Variants in MRC1 observed in about 807,000 individuals in gnomAD.
The protein encoded by MRC1 is macrophage mannose receptor 1.
MRC1 carries 62 observed loss-of-function variants against 102.9 expected under a neutral mutation model. The observed-to-expected ratio is 0.60, with a 90% CI of 0.49 to 0.74. MRC1 has a LOEUF of 0.74. MRC1 is among the 30% of genes least tolerant of loss of function. The pLI is 0.00. For synonymous variants in MRC1, 457 were observed against 298.4 expected (o/e 1.53, Z -5.48); for missense variants, 1,237 against 862.8 (o/e 1.43, Z -5.43).
At chr10:17,857,852 C>A (rs967628072) in intron 9 of MRC1, among the ~76,000 whole-genome samples, 7 of 152,266 alleles carry the variant, frequency 4.6e-5, no homozygotes, top group Admixed American at 2.6e-4. Flanking sequence ...ATTTTCAATT[C>A]AATGCTATCA....
intron 3 of MRC1, among the ~76,000 whole-genome samples, chr10:17,831,290 T>C (rs1838568795): frequency 6.6e-6 from 1 of 151,420 alleles, no homozygotes; most frequent in Admixed American, 6.6e-5. Context: ...TTAGTCTTAT[T>C]TGAATGGTCT....
chr10:17,894,595 T>C (rs1833728998), intron 23 of MRC1, among the ~76,000 whole-genome samples: 1 of 151,666 alleles, frequency 6.6e-6, no homozygotes, highest in Non-Finnish European at 1.5e-5. Context: ...AGATGGGGTT[T>C]TCCATGTTGC....
intron 22 of MRC1, among the ~76,000 whole-genome samples, chr10:17,892,992 G>C (rs1392760583): frequency 3.5e-5 from 5 of 143,402 alleles, no homozygotes; most frequent in African/African-American, 1.3e-4. Context: ...CCTGGCGACA[G>C]AGCGAGACTC....
At chr10:17,840,984 G>C (rs997432837) in intron 5 of MRC1, among the ~76,000 whole-genome samples, 178 bp downstream of exon 5, 22 of 152,170 alleles carry the variant, frequency 1.4e-4, no homozygotes, top group Admixed American at 5.2e-4. Flanking sequence ...GAATTGTAAG[G>C]TTATACCAGC....
intron 17 of MRC1, among the ~76,000 whole-genome samples, chr10:17,877,299 T>A (rs1274136169): frequency 3.4e-5 from 5 of 147,716 alleles, no homozygotes; most frequent in African/African-American, 4.9e-5. Context: ...TTAAATAACA[T>A]GAAATAAATA....
At chr10:17,872,614 T>C (rs973047646) in intron 15 of MRC1, among the ~76,000 whole-genome samples, 1 of 152,192 alleles carries the variant, frequency 6.6e-6, no homozygotes, top group Non-Finnish European at 1.5e-5. Context: ...AGCCCCACCA[T>C]GTTATTGATG....
intron 3 of MRC1, among the ~76,000 whole-genome samples, chr10:17,830,242 C>T (rs1589167652): frequency 6.6e-6 from 1 of 151,234 alleles, no homozygotes; most frequent in Non-Finnish European, 1.5e-5. Flanking sequence ...AGTGATTCTC[C>T]TGCCTCAGCC....
intron 22 of MRC1, among the ~76,000 whole-genome samples, chr10:17,893,187 G>A (rs1195198408): frequency 0.085 from 9,704 of 114,560 alleles, 402 homozygotes; most frequent in Middle Eastern, 0.13. Context: ...CCAAGGTCTT[G>A]TTCTCTCAGC....
At chr10:17,833,234 A>G (rs1589168918) in intron 3 of MRC1, among the ~76,000 whole-genome samples, 2 of 152,184 alleles carry the variant, frequency 1.3e-5, no homozygotes, top group African/African-American at 4.8e-5. Context: ...AAAACAAGTA[A>G]AACAGTCCGG....
At chr10:17,883,479 T>A (rs1291564157) in intron 21 of MRC1, among the ~76,000 whole-genome samples, 1 of 152,104 alleles carries the variant, frequency 6.6e-6, no homozygotes, top group Non-Finnish European at 1.5e-5. Context: ...AGTTTTTTTT[T>A]TTTTTTAAAT....
At chr10:17,834,795 C>T (rs1204105348) in intron 4 of MRC1, among the ~76,000 whole-genome samples, 11 of 152,170 alleles carry the variant, frequency 7.2e-5, no homozygotes, top group South Asian at 2.1e-4. Flanking sequence ...AGAGAGTATC[C>T]GTTTTAGCTT....
chr10:17,859,828 A>C (rs900466029), intron 9 of MRC1, among the ~76,000 whole-genome samples: 8 of 152,262 alleles, frequency 5.3e-5, no homozygotes, highest in African/African-American at 1.9e-4. Flanking sequence ...GGATAGCATA[A>C]ACTTGGAACT....
In MRC1 at chr10:17,880,592, C is replaced by T; in HGVS notation, c.2787C>T (p.Ile929=). 1 of 780,814 alleles carries T rather than the reference C, an allele frequency of 1.3e-6. No homozygotes were observed. Among genetic ancestry groups the T allele is most frequent in the South Asian group, 1.3e-5 (1 of 74,614 alleles). 48.4% of individuals were successfully genotyped at this position (780,814 alleles called of 1,614,324 possible). ...AFICQRHNSS[I]NATTVMPTMP... is the part of the protein sequence containing the mutation. Reference sequence around the variant, plus strand: ...TTTGCCAGCGACATAACAGTAGTATCAATGCTACCACAGTTATGCCTACCA... The same window carrying T: ...TTTGCCAGCGACATAACAGTAGTATTAATGCTACCACAGTTATGCCTACCA... Residue 929 remains isoleucine (I), a synonymous_variant, in exon 20 of 30, where the codon ATC becomes ATT. Coordinates refer to ENST00000569591, the MANE Select transcript of MRC1 (RefSeq NM_002438.4).
In MRC1 at chr10:17,849,671, G is replaced by A; in HGVS notation, c.1156G>A (p.Asp386Asn). Reference sequence around the variant, plus strand: ...CAGAGATGAGAAAAAAATCCAGAGGGATGCTCTGACCACCTGCAGGAAGGA... The same window carrying A: ...CAGAGATGAGAAAAAAATCCAGAGGAATGCTCTGACCACCTGCAGGAAGGA... ...IHRDEKKIQRDALTTCRKEGG... is the reference protein window; with the variant it reads ...IHRDEKKIQRNALTTCRKEGG... The change falls in exon 7 of 30, where the codon GAT becomes AAT. Residue 386 changes from aspartate to asparagine, a missense_variant. Asp to Asn is a conservative substitution (Grantham distance 23, BLOSUM62 1). Coordinates refer to ENST00000569591, the MANE Select transcript of MRC1 (RefSeq NM_002438.4). 1 of 780,968 alleles carries A rather than the reference G, an allele frequency of 1.3e-6. No homozygotes were observed. 48.4% of individuals were successfully genotyped at this position (780,968 alleles called of 1,614,324 possible).
chr10:17,878,363 C>G (rs1833465637), intron 18 of MRC1, among the ~76,000 whole-genome samples: 1 of 152,166 alleles, frequency 6.6e-6, no homozygotes, highest in Non-Finnish European at 1.5e-5. Context: ...TCCTATTGCC[C>G]TGTTCCCTGT....
intron 19 of MRC1, 59 bp downstream of exon 19, chr10:17,879,880 C>T: frequency 2.6e-6 from 2 of 780,442 alleles, no homozygotes; most frequent in African/African-American, 1.7e-5. Context: ...TTGCCACATC[C>T]CTAGACTAAA....
chr10:17,859,424 TCTC>T (rs1833145601), intron 9 of MRC1, among the ~76,000 whole-genome samples: 1 of 152,118 alleles, frequency 6.6e-6, no homozygotes, highest in African/African-American at 2.4e-5. Context: ...TTCACACAAT[TCTC>T]CTGCTTCAGC....
At chr10:17,868,552 G>A (rs1833311089) in intron 12 of MRC1, among the ~76,000 whole-genome samples, 1 of 152,152 alleles carries the variant, frequency 6.6e-6, no homozygotes, top group African/African-American at 2.4e-5. Flanking sequence ...TTTGGGTGGG[G>A]ACACAGAGTC....
intron 11 of MRC1, 37 bp from the exon 12 acceptor site, chr10:17,866,525 C>G (rs782285332): frequency 6.4e-6 from 5 of 780,744 alleles, no homozygotes; most frequent in Admixed American, 5.1e-5. Flanking sequence ...TCAGCAGGCA[C>G]CTGTCAAGTG....
Sources: allele counts gnomAD v4.1 joint callset (sites outside exome capture counted in the v4.1 genomes callset), GRCh38; gene constraint gnomAD v4.1.1; transcripts MANE v1.5; gene names NCBI Gene and HGNC (gene_info 2026-07-23, HGNC 2026-07-21).